The following NBAS variants were observed in gnomAD, a reference collection of about 807,000 sequenced individuals.
NBAS encodes NAG/BC035112 fusion.
In NBAS, 219 loss-of-function variants were observed where a neutral mutation model predicts 302.5. The ratio of observed to expected loss-of-function variants is 0.72; its 90% CI spans 0.65 to 0.81. The LOEUF (loss-of-function observed/expected upper bound fraction) is 0.81. Ranked by LOEUF, NBAS falls within the 30% of genes least tolerant of loss-of-function variation. The pLI, the probability that NBAS is intolerant of heterozygous loss-of-function variation, is 0.00. For missense variants in NBAS, 2,932 were observed against 2,841.6 expected, an observed-to-expected ratio of 1.03 and a Z score of -0.72; for synonymous variants, 1,118 against 1,021.6, an observed-to-expected ratio of 1.09 and a Z score of -1.80.
the NBAS span, among the ~76,000 whole-genome samples, chr2:14,968,503 C>A: frequency 4.7e-4 from 71 of 151,946 alleles, no homozygotes; most frequent in Non-Finnish European, 1.5e-5. Context: ...ACAGGTGTGA[C>A]CACCATGTGC....
chr2:15,358,760 T>C (rs1450273470), intron 32 of NBAS, among the ~76,000 whole-genome samples: 1 of 152,102 alleles, frequency 6.6e-6, no homozygotes, highest in African/African-American at 2.4e-5. Flanking sequence ...TCATTTTTAT[T>C]AGGTGAGGAG....
the NBAS span, among the ~76,000 whole-genome samples, chr2:15,096,962 T>C: frequency 6.6e-6 from 1 of 152,142 alleles, no homozygotes; most frequent in Non-Finnish European, 1.5e-5. Context: ...GTGAGGAAAT[T>C]GCTTGGGAGG....
intron 32 of NBAS, among the ~76,000 whole-genome samples, chr2:15,358,481 G>A (rs993497831): frequency 5.3e-5 from 8 of 152,060 alleles, no homozygotes; most frequent in South Asian, 4.1e-4. Flanking sequence ...GTTTCTCTCC[G>A]TTGCCCAAGC....
At chr2:15,548,436 G>T (rs979971919) in intron 6 of NBAS, among the ~76,000 whole-genome samples, 2 of 152,126 alleles carry the variant, frequency 1.3e-5, no homozygotes, top group Admixed American at 1.3e-4. Flanking sequence ...GAGGTCAGGA[G>T]TTCAAGACCA....
chr2:15,072,453 T>G, the NBAS span, among the ~76,000 whole-genome samples: 3 of 152,212 alleles, frequency 2.0e-5, no homozygotes, highest in African/African-American at 7.2e-5. Flanking sequence ...TTCGCATTTC[T>G]TTTGAATTTT....
chr2:15,419,217 T>A (rs1358396348), intron 23 of NBAS, among the ~76,000 whole-genome samples: 1 of 152,090 alleles, frequency 6.6e-6, no homozygotes, highest in Non-Finnish European at 1.5e-5. Context: ...ATATAACAGA[T>A]AATTAAGCAG....
chr2:15,163,381 C>T (rs1663940914), downstream of NBAS, among the ~76,000 whole-genome samples: 3 of 152,168 alleles, frequency 2.0e-5, 1 homozygote, highest in Admixed American at 2.0e-4. Context: ...ACATGGCCAA[C>T]AAGAGATAAG....
chr2:14,926,198 C>T, the NBAS span, among the ~76,000 whole-genome samples: 1 of 152,164 alleles, frequency 6.6e-6, no homozygotes, highest in Admixed American at 6.5e-5. Context: ...TGGAACCACA[C>T]TTAGGGACCC....
intron 6 of NBAS, among the ~76,000 whole-genome samples, chr2:15,551,032 T>C (rs1664356979): frequency 6.6e-6 from 1 of 152,234 alleles, no homozygotes; most frequent in Non-Finnish European, 1.5e-5. Flanking sequence ...AGCATCTATA[T>C]GCTTCATGAG....
intron 16 of NBAS, 113 bp from the exon 17 acceptor site, chr2:15,468,646 C>T: frequency 7.8e-7 from 1 of 1,280,438 alleles, no homozygotes; most frequent in East Asian, 2.4e-5. Flanking sequence ...CTATTTAGGA[C>T]CTTGGCCATA....
chr2:15,472,579 GC>G (rs938976703), intron 16 of NBAS, among the ~76,000 whole-genome samples: 6 of 151,320 alleles, frequency 4.0e-5, no homozygotes, highest in Non-Finnish European at 4.4e-5. Context: ...CAGCTCACTG[GC>G]CCCCCCCAGA....
chr2:14,800,715 T>C, the NBAS span, among the ~76,000 whole-genome samples: 1 of 152,078 alleles, frequency 6.6e-6, no homozygotes, highest in East Asian at 1.9e-4. Flanking sequence ...TGCTTCTACA[T>C]ATTTTATAAA....
chr2:14,998,676 G>T, the NBAS span, among the ~76,000 whole-genome samples: 1 of 152,138 alleles, frequency 6.6e-6, no homozygotes, highest in Non-Finnish European at 1.5e-5. Flanking sequence ...AAGATAAGCT[G>T]CTTTTTCTCC....
chr2:14,930,536 G>T, the NBAS span, among the ~76,000 whole-genome samples: 1 of 152,268 alleles, frequency 6.6e-6, no homozygotes, highest in Admixed American at 6.5e-5. Flanking sequence ...CAGAATTGAG[G>T]GGAAATATGA....
the NBAS span, among the ~76,000 whole-genome samples, chr2:14,815,207 T>C: frequency 6.6e-6 from 1 of 152,160 alleles, no homozygotes; most frequent in Admixed American, 6.5e-5. Context: ...CTTTTTCAGA[T>C]CAAAACAGGT....
intron 44 of NBAS, among the ~76,000 whole-genome samples, chr2:15,245,668 T>G (rs141155767): frequency 4.5e-4 from 60 of 133,840 alleles, no homozygotes; most frequent in Non-Finnish European, 7.4e-4. Context: ...GACGGATGGA[T>G]GGATGGATGA....
intron 44 of NBAS, among the ~76,000 whole-genome samples, chr2:15,267,937 T>G (rs1341849511): frequency 6.6e-6 from 1 of 152,226 alleles, no homozygotes; most frequent in Admixed American, 6.5e-5. Flanking sequence ...TATAAAGTAT[T>G]ATTAAGCCTA....
At chr2:15,451,653 G>A (rs1202528690) in intron 21 of NBAS, among the ~76,000 whole-genome samples, 1 of 152,010 alleles carries the variant, frequency 6.6e-6, no homozygotes, top group Admixed American at 6.5e-5. Context: ...GAATATTGAT[G>A]TTTTGTTTTC....
At position 15,419,709 on chromosome 2, in the gene NBAS, C is replaced by CGAT. The variant is rs142300681; in HGVS notation, c.2578-2000_2578-1998dup. 6.7e-3 allele frequency among the ~76,000 whole-genome samples: 1,023 copies of CGAT among 151,852 alleles called. 11 individuals are homozygous for CGAT. Among genetic ancestry groups the CGAT allele is most frequent in the African/African-American group, 0.022 (923 of 41,376 alleles). On this transcript the variant is annotated intron_variant, in intron 23 of 51. Transcript: ENST00000281513. ...TGCCAAAGTACATGTACTTGGTTGA[C>CGAT]GATTTTTTTCTTTTTTTTTTGAGAC...
Sources: gnomAD v4.1 joint callset for allele counts (sites outside exome capture counted in the v4.1 genomes callset) on GRCh38, gnomAD v4.1.1 for gene constraint, MANE v1.5 for transcripts, NCBI Gene and HGNC (gene_info 2026-07-23, HGNC 2026-07-21) for gene names.